The following ZNF407 variants were observed in gnomAD, a reference collection of about 807,000 sequenced individuals.
The protein encoded by ZNF407 is zinc finger protein 407.
In ZNF407, 17 loss-of-function variants were observed where a neutral mutation model predicts 131.2. That is an observed-to-expected ratio of 0.13 (90% confidence interval 0.09 to 0.19). The LOEUF (loss-of-function observed/expected upper bound fraction) is 0.19, where lower values mean the gene tolerates loss of function less well. Ranked by LOEUF, ZNF407 falls within the 10% of genes least tolerant of loss-of-function variation. ZNF407 has a pLI of 1.00. For synonymous variants in ZNF407, 1,156 were observed against 1,062.0 expected, an observed-to-expected ratio of 1.09 and a Z score of -1.72; for missense variants, 2,681 against 2,830.6, an observed-to-expected ratio of 0.95 and a Z score of 1.20.
intron 3 of ZNF407, among the ~76,000 whole-genome samples, chr18:74,661,003 G>A (rs1053743632): frequency 6.6e-6 from 1 of 152,102 alleles, no homozygotes; most frequent in Non-Finnish European, 1.5e-5. Context: ...ATTAAAAGCG[G>A]ATGTCATAGA....
chr18:74,952,504 A>C (rs908789133), intron 8 of ZNF407, among the ~76,000 whole-genome samples: 11 of 152,192 alleles, frequency 7.2e-5, no homozygotes, highest in African/African-American at 2.7e-4. Context: ...CCCTCAGGGA[A>C]AGATAGATGA....
At chr18:75,037,055 G>A (rs944137317) in intron 8 of ZNF407, among the ~76,000 whole-genome samples, 3 of 152,150 alleles carry the variant, frequency 2.0e-5, no homozygotes, top group Admixed American at 6.6e-5. Context: ...TATTTATACT[G>A]TCAAATACAC....
At chr18:74,608,810 T>A (rs941652084) in intron 1 of ZNF407, among the ~76,000 whole-genome samples, 1 of 152,242 alleles carries the variant, frequency 6.6e-6, no homozygotes, top group Non-Finnish European at 1.5e-5. Flanking sequence ...GGTGAAATCA[T>A]GTCCTTCTCA....
intron 3 of ZNF407, among the ~76,000 whole-genome samples, chr18:74,704,771 TAAG>T (rs1967585719): frequency 6.6e-6 from 1 of 152,204 alleles, no homozygotes; most frequent in Non-Finnish European, 1.5e-5. Flanking sequence ...GTTTCTGCAA[TAAG>T]TGTCTTGGTG....
chr18:75,056,811 A>G (rs1350108304), intron 8 of ZNF407, among the ~76,000 whole-genome samples: 1 of 152,166 alleles, frequency 6.6e-6, no homozygotes, highest in East Asian at 1.9e-4. Flanking sequence ...AAAAGGTTAT[A>G]TTTCATTGAA....
chr18:74,977,886 C>T (rs183146368), intron 8 of ZNF407, among the ~76,000 whole-genome samples: 2 of 152,300 alleles, frequency 1.3e-5, no homozygotes, highest in East Asian at 3.9e-4. Flanking sequence ...TCTCTTTATA[C>T]TTTCTCCATT....
Position 75,050,060 on chromosome 18 carries a change from G to A in ZNF407, c.5429-13090G>A, listed in dbSNP as rs1038635240. Among the ~76,000 whole-genome samples the A allele has an allele frequency of 2.0e-5, 3 of 152,256 alleles. No homozygotes were observed. The South Asian group carries it at 6.2e-4, about 32-fold the overall frequency. Reference sequence around the variant, plus strand: ...TGCATTAAATTTAATTTTGCTGTATGTATAATGTGGTTCAAATATTTTAGT... The same window carrying A: ...TGCATTAAATTTAATTTTGCTGTATATATAATGTGGTTCAAATATTTTAGT... On this transcript the variant is annotated intron_variant, in intron 8 of 8. Transcript: ENST00000299687.
intron 4 of ZNF407, chr18:74,804,021 C>A: frequency 1.3e-6 from 2 of 1,551,708 alleles, no homozygotes; most frequent in Non-Finnish European, 1.7e-6. Flanking sequence ...ACAACAGGAA[C>A]GCGTCGAGTG....
intron 7 of ZNF407, among the ~76,000 whole-genome samples, chr18:74,899,118 A>G (rs1439231980): frequency 6.6e-6 from 1 of 152,224 alleles, no homozygotes; most frequent in Non-Finnish European, 1.5e-5. Flanking sequence ...ATGCTGGATG[A>G]TCTGTTTCCC....
At chr18:75,030,961 AT>A (rs1414302575) in intron 8 of ZNF407, among the ~76,000 whole-genome samples, 1 of 152,236 alleles carries the variant, frequency 6.6e-6, no homozygotes, top group Non-Finnish European at 1.5e-5. Flanking sequence ...CTTCCCAGTC[AT>A]TAATAAATCC....
At chr18:74,819,834 C>G (rs1372735061) in intron 4 of ZNF407, among the ~76,000 whole-genome samples, 1 of 152,178 alleles carries the variant, frequency 6.6e-6, no homozygotes, top group Non-Finnish European at 1.5e-5. Flanking sequence ...CATTCTTCAC[C>G]CCTTACAGGA....
chr18:74,949,469 G>T (rs1972189536), intron 8 of ZNF407, among the ~76,000 whole-genome samples: 1 of 152,124 alleles, frequency 6.6e-6, no homozygotes, highest in Non-Finnish European at 1.5e-5. Flanking sequence ...TAATCTCCTG[G>T]TAATCTCTTT....
chr18:74,978,831 T>A (rs1431780960), intron 8 of ZNF407, among the ~76,000 whole-genome samples: 1 of 152,098 alleles, frequency 6.6e-6, no homozygotes, highest in African/African-American at 2.4e-5. Context: ...TAGAAGGAAG[T>A]AGCTTCAGCC....
chr18:74,693,109 TC>T (rs1344135963), intron 3 of ZNF407, among the ~76,000 whole-genome samples: 1 of 152,208 alleles, frequency 6.6e-6, no homozygotes, highest in Non-Finnish European at 1.5e-5. Context: ...GCTGATTTCT[TC>T]CTATCCATTT....
At chr18:74,749,979 C>G (rs1160211954) in intron 3 of ZNF407, among the ~76,000 whole-genome samples, 1 of 152,142 alleles carries the variant, frequency 6.6e-6, no homozygotes, top group East Asian at 1.9e-4. Flanking sequence ...ATTCACTGGA[C>G]AAAGTATGAG....
At chr18:74,856,936 A>G (rs1970867368) in intron 4 of ZNF407, among the ~76,000 whole-genome samples, 1 of 152,222 alleles carries the variant, frequency 6.6e-6, no homozygotes. Context: ...GCGTTAGCTT[A>G]CATGCCACCA....
intron 3 of ZNF407, among the ~76,000 whole-genome samples, chr18:74,674,075 T>C (rs763474663): frequency 7.9e-5 from 12 of 152,254 alleles, no homozygotes; most frequent in Non-Finnish European, 1.2e-4. Context: ...TTTTAAGTTT[T>C]GATGCTTCGT....
intron 3 of ZNF407, among the ~76,000 whole-genome samples, chr18:74,727,354 C>T (rs1471418957): frequency 6.6e-6 from 1 of 152,056 alleles, no homozygotes; most frequent in Non-Finnish European, 1.5e-5. Context: ...GAGAGTTGAG[C>T]CCTCTTCCAC....
chr18:74,999,972 A>G (rs1184280354), intron 8 of ZNF407, among the ~76,000 whole-genome samples: 1 of 152,240 alleles, frequency 6.6e-6, no homozygotes, highest in African/African-American at 2.4e-5. Flanking sequence ...ATCTTAGAAA[A>G]TCATAAGAAA....
Sources: gnomAD v4.1 joint callset for allele counts (sites outside exome capture counted in the v4.1 genomes callset) on GRCh38, gnomAD v4.1.1 for gene constraint, MANE v1.5 for transcripts, NCBI Gene and HGNC (gene_info 2026-07-23, HGNC 2026-07-21) for gene names.